The following MRPS15 variants were observed in gnomAD, a reference collection of about 807,000 sequenced individuals.
The protein encoded by MRPS15 is mitochondrial ribosomal protein S15.
MRPS15 carries 25 observed loss-of-function variants against 30.7 expected under a neutral mutation model. The ratio of observed to expected loss-of-function variants is 0.81; its 90% CI spans 0.59 to 1.14. The LOEUF (loss-of-function observed/expected upper bound fraction) is 1.14, where lower values mean the gene tolerates loss of function less well. Ranked by LOEUF, MRPS15 falls within the 50% of genes most tolerant of loss-of-function variation. The probability of loss-of-function intolerance (pLI) is 0.00; values close to 1 mark genes in which losing one functional copy is unlikely to be tolerated. For synonymous variants in MRPS15, 124 were observed against 120.1 expected, an observed-to-expected ratio of 1.03 and a Z score of -0.21; for missense variants, 313 against 321.7, an observed-to-expected ratio of 0.97 and a Z score of 0.21.
At chr1:36,457,525 T>A (rs956059957) in intron 6 of MRPS15, among the ~76,000 whole-genome samples, 3 of 152,214 alleles carry the variant, frequency 2.0e-5, no homozygotes, top group African/African-American at 7.2e-5. Flanking sequence ...TTTCACATAA[T>A]CCTTGCAATC....
intron 3 of MRPS15, 130 bp from the exon 4 acceptor site, chr1:36,461,442 G>T: frequency 1.2e-6 from 1 of 845,220 alleles, no homozygotes. Flanking sequence ...CTCCCTGGAG[G>T]TGGGGAGCCA....
rs373823033 is a variant in MRPS15, at chr1:36,462,076, C to T, written c.251+12G>A. ...GCCCCCTGCCTCCTCTACTAGGTTT[C>T]TTCCTGCTTACTTCTCAATTCCAGG... is the stretch of plus-strand genomic sequence containing the variant. On this transcript the variant is annotated intron_variant, in intron 3 of 7. Coordinates refer to ENST00000373116, the MANE Select transcript of MRPS15 (RefSeq NM_031280.4). 26 of 1,611,380 alleles carry T rather than the reference C, an allele frequency of 1.6e-5. No homozygotes were observed. The highest frequency in any genetic ancestry group is 9.3e-5 in the African/African-American group (7 of 74,878).
chr1:36,462,051 G>A, intron 3 of MRPS15, 37 bp downstream of exon 3: 1 of 1,560,904 alleles, frequency 6.4e-7, no homozygotes, highest in Non-Finnish European at 8.8e-7. Context: ...TCCTCCCAGG[G>A]CCCCCTGCCT....
At position 36,460,704 on chromosome 1, in the gene MRPS15, G is replaced by A; in HGVS notation, c.373C>T (p.Leu125=). 2 of 1,613,962 alleles carry A rather than the reference G, an allele frequency of 1.2e-6. No individual in the cohort carries two copies. Among genetic ancestry groups the A allele is most frequent in the Non-Finnish European group, 1.7e-6 (2 of 1,179,862 alleles). The change falls in exon 5 of 8, where the codon CTG becomes TTG. Residue 125 remains leucine, a synonymous_variant. Transcript: ENST00000373116. ...GTCCCCGACCAACTTCGAGCCTCCA[G>A]GGATCTGGTGTCCTCTGGGTTTGCA... ...IVANPEDTRS[L]EARIIALSVK...
At position 36,464,326 on chromosome 1, in the gene MRPS15, C is replaced by T; in HGVS notation, c.-51G>A. ...CGCGCCGCGGCCGCCGTTCGCTTTG[C>T]GGCACGGACCGGGTTACATGGGCGC... On this transcript the variant is annotated 5_prime_UTR_variant, in exon 1 of 8. Coordinates refer to ENST00000373116, the MANE Select transcript of MRPS15 (RefSeq NM_031280.4). 2 of 1,585,552 alleles carry T rather than the reference C, an allele frequency of 1.3e-6. No individual in the cohort carries two copies. The highest frequency in any genetic ancestry group is 1.8e-5 in the Admixed American group (1 of 55,144).
At position 36,463,865 on chromosome 1, in the gene MRPS15, G is replaced by A. The variant is rs373351687; in HGVS notation, c.131-15C>T. 45 of 1,609,202 alleles carry A rather than the reference G, an allele frequency of 2.8e-5. No individual in the cohort carries two copies. The highest frequency in any genetic ancestry group is 1.7e-4 in the Middle Eastern group (1 of 6,044). On this transcript the variant is annotated splice_polypyrimidine_tract_variant and intron_variant, in intron 1 of 7. Coordinates refer to ENST00000373116, the MANE Select transcript of MRPS15 (RefSeq NM_031280.4). ...GAGGAGGAGACCTACGCAGAAAAGA[G>A]AGGGCTGAGGACCATCTCCTTAAAT...
At position 36,464,308 on chromosome 1, in the gene MRPS15, C is replaced by T; in HGVS notation, c.-33G>A. On this transcript the variant is annotated 5_prime_UTR_variant, in exon 1 of 8. Coordinates refer to ENST00000373116, the MANE Select transcript of MRPS15 (RefSeq NM_031280.4). ...TCTAACCCCCGCGGGGCCCGCGCCG[C>T]GGCCGCCGTTCGCTTTGCGGCACGG... 1 of 1,588,628 alleles carries T rather than the reference C, an allele frequency of 6.3e-7. No homozygotes were observed. The highest frequency in any genetic ancestry group is 8.6e-7 in the Non-Finnish European group (1 of 1,167,894).
Position 36,455,837 on chromosome 1 carries a change from G to A in MRPS15, c.725C>T (p.Pro242Leu), listed in dbSNP as rs2124076463. ...AAQKQAKRRNPDSPAKAIPKT... is the reference protein window; with the variant it reads ...AAQKQAKRRNLDSPAKAIPKT... The stretch of plus-strand genomic sequence containing the variant: ...TGGTATGGCTTTGGCAGGGCTGTCT[G>A]GGTTCCTCCGCTTTGCTTGTTTTTG... The change falls in exon 8 of 8, where the codon CCA becomes CTA. Residue 242 changes from proline to leucine, a missense_variant. Pro to Leu is a moderately conservative substitution (Grantham distance 98). Coordinates refer to ENST00000373116, the MANE Select transcript of MRPS15 (RefSeq NM_031280.4). The A allele has an allele frequency of 6.2e-7, 1 of 1,614,152 alleles. No homozygotes were observed.
chr1:36,461,289 A>T lies in MRPS15; in HGVS notation c.275T>A (p.Leu92His), dbSNP rs1650093669. Residue 92 changes from leucine to histidine, a missense_variant, in exon 4 of 8, where the codon CTC becomes CAC. Leu to His is a moderately conservative substitution (Grantham distance 99). Coordinates refer to ENST00000373116, the MANE Select transcript of MRPS15 (RefSeq NM_031280.4). Reference protein sequence around the residue: ...IEKVDDVVKRLLSLEMANKKE... With the variant: ...IEKVDDVVKRHLSLEMANKKE... ...CTTGTTGGCCATTTCCAAAGACAAGAGTCTTTTCACGACATCATCAACCCT... is the reference window on the plus strand; with the variant it reads ...CTTGTTGGCCATTTCCAAAGACAAGTGTCTTTTCACGACATCATCAACCCT... 1 of 1,614,232 alleles carries T rather than the reference A, an allele frequency of 6.2e-7. No individual in the cohort carries two copies. The highest frequency in any genetic ancestry group is 1.1e-5 in the South Asian group (1 of 91,092).
At chr1:36,457,893 G>GT in intron 6 of MRPS15, 30 bp downstream of exon 6, 1 of 1,610,670 alleles carries the variant, frequency 6.2e-7, no homozygotes, top group Non-Finnish European at 8.5e-7. Context: ...GGCTGCTGCT[G>GT]TTTAACTGTG....
chr1:36,460,190 G>C (rs1010238549), intron 5 of MRPS15, among the ~76,000 whole-genome samples: 3 of 152,128 alleles, frequency 2.0e-5, no homozygotes, highest in Non-Finnish European at 2.9e-5. Context: ...TGTATTTTTA[G>C]TAGAGACGGG....
At chr1:36,460,843 C>G (rs377356081) in intron 4 of MRPS15, 67 bp from the exon 5 acceptor site, 27 of 1,328,398 alleles carry the variant, frequency 2.0e-5, no homozygotes, top group African/African-American at 7.2e-5. Flanking sequence ...CCCTCCTCCC[C>G]CCAAGGGCCC....
rs936874388 is a variant in MRPS15 at position 36,462,108 on chromosome 1, C to T, written c.231G>A (p.Gln77=). 1 of 1,613,280 alleles carries T rather than the reference C, an allele frequency of 6.2e-7. No individual in the cohort carries two copies. Among genetic ancestry groups the T allele is most frequent in the Admixed American group, 1.7e-5 (1 of 59,984 alleles). The change falls in exon 3 of 8, where the codon CAG becomes CAA. Residue 77 remains glutamine (Q), a synonymous_variant. Transcript: ENST00000373116. ...PPPSTLLKDY[Q]NVPGIEKVDD... ...CTTACTTCTCAATTCCAGGGACATT[C>T]TGGTAGTCTTTGAGCAGCGTAGAGG...
intron 6 of MRPS15, 70 bp from the exon 7 acceptor site, chr1:36,456,448 C>A: frequency 7.5e-7 from 1 of 1,327,436 alleles, no homozygotes; most frequent in South Asian, 1.7e-5. Context: ...AAACAATGGT[C>A]ATTTTATCAT....
At chr1:36,463,660 T>C (rs1341828549) in intron 2 of MRPS15, 146 bp downstream of exon 2, 3 of 895,576 alleles carry the variant, frequency 3.3e-6, no homozygotes, top group Non-Finnish European at 3.3e-6. Flanking sequence ...CCTAGGGCTT[T>C]GTGTAAGGTG....
intron 7 of MRPS15, 99 bp downstream of exon 7, chr1:36,456,088 A>T: frequency 6.7e-7 from 1 of 1,493,742 alleles, no homozygotes; most frequent in South Asian, 1.3e-5. Context: ...GCCTGGGGCC[A>T]GTTCCATGCC....
Position 36,464,322 on chromosome 1 carries a change from T to C in MRPS15, c.-47A>G, listed in dbSNP as rs1650170348. ...GGCCCGCGCCGCGGCCGCCGTTCGC[T>C]TTGCGGCACGGACCGGGTTACATGG... On this transcript the variant is annotated 5_prime_UTR_variant, in exon 1 of 8. Transcript: ENST00000373116. 1 of 1,590,004 alleles carries C rather than the reference T, an allele frequency of 6.3e-7. No homozygotes were observed.
chr1:36,456,223 G>A lies in MRPS15; in HGVS notation c.600C>T (p.His200=). 2 of 1,613,158 alleles carry A rather than the reference G, an allele frequency of 1.2e-6. No homozygotes were observed. The highest frequency in any genetic ancestry group is 1.7e-6 in the Non-Finnish European group (2 of 1,179,670). Residue 200 remains histidine, a synonymous_variant, in exon 7 of 8, where the codon CAC becomes CAT. Coordinates refer to ENST00000373116, the MANE Select transcript of MRPS15 (RefSeq NM_031280.4). Reference sequence around the variant, plus strand: ...GAGCCTTCTTGGTCACGAATCGGCGGTGGGCTCTTCGGTAATACAGAGGGG... The same window carrying A: ...GAGCCTTCTTGGTCACGAATCGGCGATGGGCTCTTCGGTAATACAGAGGGG... ...TFPPLYYRRA[H]RRFVTKKALC...
In MRPS15 at chr1:36,464,300, C is replaced by G; in HGVS notation, c.-25G>C. 6.3e-7 allele frequency: 1 copy of G among 1,594,026 alleles called. No individual in the cohort carries two copies. The highest frequency in any genetic ancestry group is 1.1e-5 in the South Asian group (1 of 89,432). ...TGGTGACCTCTAACCCCCGCGGGGC[C>G]CGCGCCGCGGCCGCCGTTCGCTTTG... On this transcript the variant is annotated 5_prime_UTR_variant, in exon 1 of 8. Coordinates refer to ENST00000373116, the MANE Select transcript of MRPS15 (RefSeq NM_031280.4).
Sources: allele counts gnomAD v4.1 joint callset (sites outside exome capture counted in the v4.1 genomes callset), GRCh38; gene constraint gnomAD v4.1.1; transcripts MANE v1.5; gene names NCBI Gene and HGNC (gene_info 2026-07-23, HGNC 2026-07-21).